DYSF: variants seen among roughly 807,000 people sequenced by gnomAD.
DYSF encodes dysferlin, also known as dystrophy-associated fer-1-like 1.
In DYSF, 212 loss-of-function variants were observed where a neutral mutation model predicts 274.9. The ratio of observed to expected loss-of-function variants is 0.77; its 90% CI spans 0.69 to 0.86. The LOEUF is 0.86. Among genes scored for constraint, DYSF ranks in the 40% least tolerant of loss-of-function variants. The pLI, the probability that DYSF is intolerant of heterozygous loss-of-function variation, is 0.00. For missense variants in DYSF, 2,666 were observed against 2,783.2 expected (o/e 0.96, Z 0.95); for synonymous variants, 1,091 against 1,078.7 (o/e 1.01, Z -0.22).
chr2:71,617,686 TGGG>T (rs2093921206), intron 40 of DYSF, among the ~76,000 whole-genome samples: 3 of 104,728 alleles, frequency 2.9e-5, no homozygotes, highest in African/African-American at 7.9e-5. Flanking sequence ...GTGGTAGAGG[TGGG>T]GTGTGTGCGT....
At chr2:71,515,888 A>AGATAACCTCCTTG in intron 8 of DYSF, 137 bp downstream of exon 8, 1 of 1,326,700 alleles carries the variant, frequency 7.5e-7, no homozygotes, top group South Asian at 1.4e-5. Flanking sequence ...CTGGCTCCCA[A>AGATAACCTCCTTG]GGAGGTTATC....
chr2:71,660,848 C>G (rs75750524), intron 45 of DYSF, among the ~76,000 whole-genome samples, 197 bp downstream of exon 45: 2 of 152,126 alleles, frequency 1.3e-5, no homozygotes, highest in African/African-American at 4.8e-5. Context: ...CCAACAGAAG[C>G]TCCTAGTTAA....
intron 22 of DYSF, among the ~76,000 whole-genome samples, chr2:71,558,269 C>CAGG (rs2091472479): frequency 6.6e-6 from 1 of 151,970 alleles, no homozygotes; most frequent in Non-Finnish European, 1.5e-5. Context: ...AGAGGGTCAG[C>CAGG]AGGAGGAGGA....
At chr2:71,650,768 T>G (rs191058622) in intron 42 of DYSF, among the ~76,000 whole-genome samples, 20 of 152,298 alleles carry the variant, frequency 1.3e-4, no homozygotes, top group Admixed American at 7.8e-4. Flanking sequence ...AAACCCTCTA[T>G]TTTAACAATT....
intron 1 of DYSF, among the ~76,000 whole-genome samples, chr2:71,473,705 A>C (rs1399146702): frequency 1.3e-5 from 2 of 152,098 alleles, no homozygotes; most frequent in Non-Finnish European, 1.5e-5. Context: ...TCCCACCTGG[A>C]CTTAAAAAAA....
intron 41 of DYSF, 133 bp from the exon 42 acceptor site, chr2:71,643,832 C>G: frequency 1.4e-6 from 1 of 733,638 alleles, no homozygotes; most frequent in Non-Finnish European, 2.5e-6. Context: ...CCTCTCTCTG[C>G]TCCCCCACAT....
intron 41 of DYSF, among the ~76,000 whole-genome samples, chr2:71,642,121 A>G (rs1415648754): frequency 6.6e-6 from 1 of 152,170 alleles, no homozygotes; most frequent in Non-Finnish European, 1.5e-5. Flanking sequence ...TTTTCTTTGT[A>G]CAGAACTCAC....
intron 1 of DYSF, among the ~76,000 whole-genome samples, chr2:71,469,592 C>A (rs77152224): frequency 0.032 from 4,866 of 152,214 alleles, 272 homozygotes; most frequent in African/African-American, 0.11. Context: ...ACTTTCCTTG[C>A]AGTTGTTCCC....
At chr2:71,528,812 A>T (rs2088293438) in intron 14 of DYSF, among the ~76,000 whole-genome samples, 1 of 152,228 alleles carries the variant, frequency 6.6e-6, no homozygotes, top group Non-Finnish European at 1.5e-5. Flanking sequence ...TTGGGCAGAG[A>T]AAGGCCCCTC....
At chr2:71,577,676 A>G (rs1558523048) in intron 30 of DYSF, among the ~76,000 whole-genome samples, 1 of 151,762 alleles carries the variant, frequency 6.6e-6, no homozygotes, top group East Asian at 1.9e-4. Context: ...GCACCCACAC[A>G]CACTCTTTCA....
intron 19 of DYSF, among the ~76,000 whole-genome samples, chr2:71,552,683 G>A (rs942186918): frequency 6.6e-6 from 1 of 152,256 alleles, no homozygotes; most frequent in East Asian, 1.9e-4. Context: ...TAAGGCCCGG[G>A]TTGCCCCTGC....
chr2:71,453,614 C>T, exon 1 of DYSF: 1 of 340,460 alleles, frequency 2.9e-6, no homozygotes, highest in Non-Finnish European at 5.8e-6. Context: ...AGTCCAGCCC[C>T]CGGCCATCGC....
At chr2:71,618,843 C>A (rs1249326751) in intron 40 of DYSF, among the ~76,000 whole-genome samples, 1 of 151,754 alleles carries the variant, frequency 6.6e-6, no homozygotes, top group Admixed American at 6.6e-5. Context: ...GTGCAGGAGG[C>A]CTCGGGAGAC....
intron 13 of DYSF, 72 bp downstream of exon 13, chr2:71,526,418 T>TGGGGGGGGGGGGGTTG: frequency 1.1e-4 from 29 of 261,476 alleles, no homozygotes; most frequent in East Asian, 3.8e-4. Context: ...GGGTGGGCGA[T>TGGGGGGGGGGGGGTTG]GGCGGGCGGG....
intron 43 of DYSF, among the ~76,000 whole-genome samples, chr2:71,658,356 A>C (rs1351030048): frequency 1.3e-5 from 2 of 152,182 alleles, no homozygotes; most frequent in Non-Finnish European, 2.9e-5. Flanking sequence ...ATAGTTTTCC[A>C]CGTTTTCCCA....
intron 22 of DYSF, among the ~76,000 whole-genome samples, chr2:71,559,761 T>C (rs916127986): frequency 1.3e-5 from 2 of 152,232 alleles, no homozygotes; most frequent in African/African-American, 4.8e-5. Context: ...GGCTCCTGAC[T>C]CTGAGGCTGC....
At position 71,569,892 on chromosome 2, in the gene DYSF, C is replaced by T. The variant is rs192717273; in HGVS notation, c.2937C>T (p.Pro979=). 111 of 1,614,060 alleles carry T rather than the reference C, an allele frequency of 6.9e-5. 1 individual carries two copies. Among genetic ancestry groups the T allele is most frequent in the East Asian group, 4.2e-4 (19 of 44,872 alleles). ...TGTTTGAGAACCAGACCCGGCTTCC[C>T]GGAGGCCAGTGGATCTACATGAGTG... ...EEVFENQTRL[P]GGQWIYMSDN... Residue 979 remains proline (P), a synonymous_variant, in exon 27 of 56, where the codon CCC becomes CCT. Transcript: ENST00000410020.
At chr2:71,501,490 A>T (rs914121671) in intron 3 of DYSF, among the ~76,000 whole-genome samples, 2 of 152,184 alleles carry the variant, frequency 1.3e-5, no homozygotes, top group Non-Finnish European at 2.9e-5. Context: ...TGCATTCATG[A>T]TGTCATGCAG....
In DYSF at chr2:71,482,564, G is replaced by A. The variant is rs1406968742; in HGVS notation, c.239+594G>A. Reference sequence around the variant, plus strand: ...TTCTTGGTGGGGGGATCAAAGTTGTGGTGGCAAAAGCAGGCTCCCCCTAGG... The same window carrying A: ...TTCTTGGTGGGGGGATCAAAGTTGTAGTGGCAAAAGCAGGCTCCCCCTAGG... On this transcript the variant is annotated intron_variant, in intron 3 of 55. Transcript: ENST00000410020. 3.3e-5 allele frequency among the ~76,000 whole-genome samples: 5 copies of A among 152,060 alleles called. No homozygotes were observed. In the East Asian group the frequency reaches 9.6e-4, roughly 29 times the overall value.
Sources: allele counts gnomAD v4.1 joint callset (sites outside exome capture counted in the v4.1 genomes callset), GRCh38; gene constraint gnomAD v4.1.1; transcripts MANE v1.5; gene names NCBI Gene and HGNC (gene_info 2026-07-23, HGNC 2026-07-21).